The following PKD2L1 variants were observed in gnomAD, a reference collection of about 807,000 sequenced individuals.
The protein encoded by PKD2L1 is polycystin-2-like protein 1.
Under a neutral mutation model 93.0 loss-of-function variants are expected in PKD2L1, and 77 were observed. The ratio of observed to expected loss-of-function variants is 0.83; its 90% confidence interval spans 0.69 to 1.00. The LOEUF (loss-of-function observed/expected upper bound fraction) is 1.00, where lower values mean the gene tolerates loss of function less well. PKD2L1 is among the 50% of genes least tolerant of loss of function. The pLI is 0.00. For synonymous variants in PKD2L1, 390 were observed against 388.0 expected (o/e 1.01, Z -0.06); for missense variants, 977 against 990.9 (o/e 0.99, Z 0.19).
chr10:100,321,904 C>CAAGCAAGGGAGGAAGG (rs1273641302), intron 2 of PKD2L1, among the ~76,000 whole-genome samples: 1 of 9,488 alleles, frequency 1.1e-4, no homozygotes, highest in Non-Finnish European at 2.1e-4. Flanking sequence ...GGGAAGGAAG[C>CAAGCAAGGGAGGAAGG]AAGGAAGGAA....
At chr10:100,294,872 C>T in intron 8 of PKD2L1, 70 bp downstream of exon 8, 1 of 1,450,324 alleles carries the variant, frequency 6.9e-7, no homozygotes, top group East Asian at 2.3e-5. Flanking sequence ...CCATCTTCCC[C>T]AAGGATACAT....
At chr10:100,291,275 C>G (rs1848399897) in intron 12 of PKD2L1, 26 bp downstream of exon 12, 2 of 1,608,144 alleles carry the variant, frequency 1.2e-6, no homozygotes, top group Non-Finnish European at 1.7e-6. Context: ...CCTTACACTG[C>G]CTCTCCACCC....
intron 9 of PKD2L1, among the ~76,000 whole-genome samples, chr10:100,293,614 C>G (rs1195451987): frequency 1.3e-5 from 2 of 152,140 alleles, no homozygotes; most frequent in Non-Finnish European, 2.9e-5. Context: ...CTCTCAGTTG[C>G]TGTAGTAACC....
At chr10:100,293,221 A>G (rs1467243523) in intron 10 of PKD2L1, 60 bp downstream of exon 10, 1 of 1,518,652 alleles carries the variant, frequency 6.6e-7, no homozygotes, top group South Asian at 1.1e-5. Context: ...AGACCAGGAC[A>G]CAGAGCCTTA....
At chr10:100,321,894 G>GCAAGCAA (rs1367238656) in intron 2 of PKD2L1, among the ~76,000 whole-genome samples, 24 of 1,590 alleles carry the variant, frequency 0.015, 3 homozygotes, top group Non-Finnish European at 0.021. Context: ...GAGGGAGGGA[G>GCAAGCAA]GGAAGGAAGC....
chr10:100,298,308 G>A (rs1304228628), intron 4 of PKD2L1, among the ~76,000 whole-genome samples: 1 of 152,226 alleles, frequency 6.6e-6, no homozygotes. Flanking sequence ...GGTAGGACAA[G>A]TGTGATTGCA....
intron 4 of PKD2L1, 75 bp downstream of exon 4, chr10:100,298,487 T>C: frequency 2.0e-6 from 3 of 1,471,822 alleles, no homozygotes; most frequent in Non-Finnish European, 1.9e-6. Context: ...TCAGTGGAAG[T>C]GGTTCCCAGA....
intron 2 of PKD2L1, among the ~76,000 whole-genome samples, chr10:100,321,466 A>C (rs1849225451): frequency 7.7e-6 from 1 of 130,502 alleles, no homozygotes; most frequent in Admixed American, 7.5e-5. Flanking sequence ...TCTCAAAAAA[A>C]AAAGAAAAGA....
intron 1 of PKD2L1, 38 bp from the exon 2 acceptor site, chr10:100,329,362 G>T (rs1224315773): frequency 2.5e-6 from 4 of 1,613,644 alleles, no homozygotes; most frequent in Non-Finnish European, 3.4e-6. Context: ...ATGCTCAGTG[G>T]CAGTGTTCCT....
intron 2 of PKD2L1, among the ~76,000 whole-genome samples, chr10:100,324,852 G>T (rs1849342260): frequency 6.6e-6 from 1 of 152,148 alleles, no homozygotes. Flanking sequence ...TTTGAACCCG[G>T]TCATGGGAAC....
At chr10:100,322,142 C>T (rs1441204880) in intron 2 of PKD2L1, among the ~76,000 whole-genome samples, 1 of 151,906 alleles carries the variant, frequency 6.6e-6, no homozygotes, top group Non-Finnish European at 1.5e-5. Flanking sequence ...GGGAGGCTCA[C>T]CTGAGAGTTT....
In PKD2L1 at chr10:100,290,066, T is replaced by C. The variant is rs1453839597; in HGVS notation, c.2199A>G (p.Ser733=). The change falls in exon 14 of 16, where the codon TCA becomes TCG. Residue 733 remains serine (S), a synonymous_variant. Transcript: ENST00000318222. ...GVVSQIDAVG[S]KLKMLERKGW... ...CCTTCCTCTCCAGCATTTTCAGCTTTGAGCCTACAGCATCAATCTGGGACA... is the reference window on the plus strand; with the variant it reads ...CCTTCCTCTCCAGCATTTTCAGCTTCGAGCCTACAGCATCAATCTGGGACA... 2 of 1,614,192 alleles carry C rather than the reference T, an allele frequency of 1.2e-6. No homozygotes were observed. Among genetic ancestry groups the C allele is most frequent in the Non-Finnish European group, 1.7e-6 (2 of 1,180,024 alleles).
intron 14 of PKD2L1, 100 bp from the exon 15 acceptor site, chr10:100,289,156 CTGTT>C (rs1848347945): frequency 5.4e-6 from 4 of 746,762 alleles, no homozygotes; most frequent in African/African-American, 1.8e-5. Context: ...CTGCTATAGA[CTGTT>C]TGCGTCCCTC....
chr10:100,310,060 G>A (rs546309103), intron 2 of PKD2L1, among the ~76,000 whole-genome samples: 70 of 152,278 alleles, frequency 4.6e-4, no homozygotes, highest in African/African-American at 1.6e-3. Context: ...CAAGCCCAGC[G>A]CAGTGGCTCA....
At position 100,289,116 on chromosome 10, in the gene PKD2L1, TTCTC is replaced by T. The variant is rs1348013492; in HGVS notation, c.2251-64_2251-61del. On this transcript the variant is annotated intron_variant, in intron 14 of 15. Coordinates refer to ENST00000318222, the MANE Select transcript of PKD2L1 (RefSeq NM_016112.3). ...AAATAGTTTGTGTACCACTTTTCTTTTCTCTCTATCTGATTCCAGAGAACTCAGA... is the reference window on the plus strand; with the variant it reads ...AAATAGTTTGTGTACCACTTTTCTTTTCTATCTGATTCCAGAGAACTCAGA... The T allele has an allele frequency of 6.5e-6, 8 of 1,239,004 alleles. No individual in the cohort carries two copies. The African/African-American group carries it at 9.0e-5, about 14-fold the overall frequency. 76.8% of individuals were successfully genotyped at this position (1,239,004 alleles called of 1,614,324 possible). A position where few individuals can be genotyped will look rare whatever the true frequency, so the allele number is the denominator to read the frequency against.
chr10:100,296,417 C>A, intron 6 of PKD2L1, 125 bp from the exon 7 acceptor site: 1 of 647,088 alleles, frequency 1.5e-6, no homozygotes, highest in South Asian at 2.5e-5. Context: ...TCCTTGCTGA[C>A]TTGTTCACTA....
chr10:100,300,990 T>G (rs1848662152), intron 2 of PKD2L1, among the ~76,000 whole-genome samples: 1 of 152,154 alleles, frequency 6.6e-6, no homozygotes, highest in South Asian at 2.1e-4. Context: ...TGTCTGCTGG[T>G]CTGAGAAATA....
At chr10:100,323,790 G>A (rs907025004) in intron 2 of PKD2L1, among the ~76,000 whole-genome samples, 1 of 152,002 alleles carries the variant, frequency 6.6e-6, no homozygotes, top group African/African-American at 2.4e-5. Flanking sequence ...GCACTGAAAA[G>A]TTGTTTTTAA....
chr10:100,304,503 C>T (rs553125265), intron 2 of PKD2L1, among the ~76,000 whole-genome samples: 1 of 151,530 alleles, frequency 6.6e-6, no homozygotes, highest in South Asian at 2.1e-4. Context: ...CTTTTCTTTT[C>T]CTTTTTTTGA....
Sources: allele counts gnomAD v4.1 joint callset (sites outside exome capture counted in the v4.1 genomes callset), GRCh38; gene constraint gnomAD v4.1.1; transcripts MANE v1.5; gene names NCBI Gene and HGNC (gene_info 2026-07-23, HGNC 2026-07-21).